KCNH5: variants seen among roughly 807,000 people sequenced by gnomAD.
The protein encoded by KCNH5 is voltage-gated delayed rectifier potassium channel KCNH5.
Under a neutral mutation model 96.1 loss-of-function variants are expected in KCNH5, and 46 were observed. The observed-to-expected ratio is 0.48, with a 90% CI of 0.38 to 0.61. KCNH5 has a LOEUF of 0.61. Ranked by LOEUF, KCNH5 falls within the 20% of genes least tolerant of loss-of-function variation. The pLI is 0.00. For missense variants in KCNH5, 907 were observed against 1,225.8 expected (o/e 0.74, Z 3.88); for synonymous variants, 439 against 449.8 (o/e 0.98, Z 0.30).
At chr14:62,801,522 T>G (rs1160465394) in intron 9 of KCNH5, among the ~76,000 whole-genome samples, 1 of 142,938 alleles carries the variant, frequency 7.0e-6, no homozygotes, top group South Asian at 2.2e-4. Context: ...TTTTTTTTTT[T>G]GCCAAGCGTA....
In KCNH5 at chr14:62,708,120, C is replaced by T. The variant is rs758116293; in HGVS notation, c.2355G>A (p.Lys785=). 1.8e-5 allele frequency: 29 copies of T among 1,614,210 alleles called. No homozygotes were observed. Among genetic ancestry groups the T allele is most frequent in the Non-Finnish European group, 2.3e-5 (27 of 1,180,036 alleles). The change falls in exon 11 of 11, where the codon AAG becomes AAA. Residue 785 remains lysine, a synonymous_variant. Transcript: ENST00000322893. ...KQNNRDAMEL[K]PNGGADQKCL... ...ATTTTTGGTCAGCACCGCCGTTGGG[C>T]TTGAGTTCCATGGCATCACGGTTGT...
intron 7 of KCNH5, among the ~76,000 whole-genome samples, chr14:62,942,483 G>T (rs1181574392): frequency 6.6e-6 from 1 of 152,130 alleles, no homozygotes; most frequent in African/African-American, 2.4e-5. Context: ...GAATTCCACA[G>T]AGGATGCTGA....
chr14:62,917,159 G>T (rs1353536514), intron 7 of KCNH5, among the ~76,000 whole-genome samples: 2 of 152,192 alleles, frequency 1.3e-5, no homozygotes, highest in African/African-American at 4.8e-5. Context: ...GCCATAGTCA[G>T]TGTAAGATCT....
intron 8 of KCNH5, among the ~76,000 whole-genome samples, chr14:62,838,462 GTTTTCAGAT>G (rs776230872): frequency 3.3e-5 from 5 of 152,146 alleles, no homozygotes; most frequent in Non-Finnish European, 5.9e-5. Flanking sequence ...ACCTGAACTT[GTTTTCAGAT>G]GGTCTCTGCT....
intron 7 of KCNH5, among the ~76,000 whole-genome samples, chr14:62,884,774 G>C (rs1228660816): frequency 1.3e-5 from 2 of 152,210 alleles, no homozygotes; most frequent in African/African-American, 4.8e-5. Context: ...GATAAAATCA[G>C]AATGTGGAAA....
intron 10 of KCNH5, among the ~76,000 whole-genome samples, chr14:62,727,122 T>C (rs1884943991): frequency 6.6e-6 from 1 of 152,158 alleles, no homozygotes; most frequent in African/African-American, 2.4e-5. Flanking sequence ...CCCAGTGCTT[T>C]GGGAGGCTGA....
intron 10 of KCNH5, among the ~76,000 whole-genome samples, chr14:62,718,301 T>C (rs1216766182): frequency 1.3e-5 from 2 of 151,876 alleles, no homozygotes; most frequent in African/African-American, 4.8e-5. Context: ...AATATAATAA[T>C]AATAATATAT....
At chr14:62,710,133 C>A (rs1884537751) in intron 10 of KCNH5, among the ~76,000 whole-genome samples, 1 of 152,154 alleles carries the variant, frequency 6.6e-6, no homozygotes, top group African/African-American at 2.4e-5. Context: ...CACCAAAAAC[C>A]AATACTACTG....
chr14:63,033,048 T>C (rs1455552359), intron 1 of KCNH5, among the ~76,000 whole-genome samples: 3 of 151,986 alleles, frequency 2.0e-5, no homozygotes, highest in East Asian at 1.9e-4. Flanking sequence ...ATCTGATACA[T>C]CCATTTCTCC....
chr14:62,867,559 C>A (rs2140062674), intron 7 of KCNH5, among the ~76,000 whole-genome samples: 1 of 152,342 alleles, frequency 6.6e-6, no homozygotes, highest in Admixed American at 6.5e-5. Context: ...ACAATAGCCT[C>A]CTAACTAGTT....
At chr14:62,990,338 G>A (rs545805804) in intron 4 of KCNH5, among the ~76,000 whole-genome samples, 2 of 152,110 alleles carry the variant, frequency 1.3e-5, no homozygotes, top group Admixed American at 6.6e-5. Flanking sequence ...TCTTAAGGAG[G>A]AAGCAGTTGT....
At chr14:62,825,288 C>G (rs562105820) in intron 8 of KCNH5, among the ~76,000 whole-genome samples, 3 of 152,194 alleles carry the variant, frequency 2.0e-5, no homozygotes, top group African/African-American at 7.2e-5. Context: ...GAAGCCTTGC[C>G]AGCATCTGTT....
intron 9 of KCNH5, among the ~76,000 whole-genome samples, 186 bp downstream of exon 9, chr14:62,802,143 G>A (rs1886674720): frequency 6.6e-6 from 1 of 152,182 alleles, no homozygotes; most frequent in Non-Finnish European, 1.5e-5. Context: ...AGCCCATTAG[G>A]TTGTGACTGA....
At chr14:62,733,255 C>T (rs755405389) in intron 10 of KCNH5, among the ~76,000 whole-genome samples, 34 of 152,138 alleles carry the variant, frequency 2.2e-4, no homozygotes, top group Admixed American at 1.4e-3. Flanking sequence ...AACCCTAATC[C>T]TCACTGTGAT....
chr14:62,937,024 G>T (rs1184572683), intron 7 of KCNH5, among the ~76,000 whole-genome samples: 1 of 150,360 alleles, frequency 6.7e-6, no homozygotes, highest in Non-Finnish European at 1.5e-5. Flanking sequence ...GGAGGAGAAG[G>T]AAGGACAAAC....
intron 7 of KCNH5, among the ~76,000 whole-genome samples, chr14:62,863,682 C>G (rs1017439995): frequency 6.6e-6 from 1 of 151,954 alleles, no homozygotes; most frequent in African/African-American, 2.4e-5. Flanking sequence ...TAAAAATATT[C>G]ACTGAAATTT....
chr14:62,865,696 C>G (rs1046864849), intron 7 of KCNH5, among the ~76,000 whole-genome samples: 2 of 151,998 alleles, frequency 1.3e-5, no homozygotes, highest in African/African-American at 2.4e-5. Flanking sequence ...TTTTCAAATC[C>G]CTTCAGTTGT....
At chr14:62,916,820 C>T (rs149984049) in intron 7 of KCNH5, among the ~76,000 whole-genome samples, 16 of 152,276 alleles carry the variant, frequency 1.1e-4, no homozygotes, top group Non-Finnish European at 1.6e-4. Flanking sequence ...TCATCGTTTA[C>T]GGCTCTCAGT....
At chr14:62,985,463 G>A (rs750100502) in intron 5 of KCNH5, among the ~76,000 whole-genome samples, 5 of 152,168 alleles carry the variant, frequency 3.3e-5, no homozygotes, top group Non-Finnish European at 7.3e-5. Context: ...CTTTTCTGCA[G>A]CAGAGAAAAC....
Sources: allele counts gnomAD v4.1 joint callset (sites outside exome capture counted in the v4.1 genomes callset), GRCh38; gene constraint gnomAD v4.1.1; transcripts MANE v1.5; gene names NCBI Gene and HGNC (gene_info 2026-07-23, HGNC 2026-07-21).